KIAA1328: variants seen among roughly 807,000 people sequenced by gnomAD.
KIAA1328 encodes protein hinderin.
In KIAA1328, 52 loss-of-function variants were observed where a neutral mutation model predicts 68.1. The observed-to-expected ratio is 0.76, with a 90% CI of 0.61 to 0.96. The LOEUF (loss-of-function observed/expected upper bound fraction) is 0.96. KIAA1328 is among the 40% of genes least tolerant of loss of function. The pLI, the probability that KIAA1328 is intolerant of heterozygous loss-of-function variation, is 0.00. For missense variants in KIAA1328, 641 were observed against 677.6 expected (o/e 0.95, Z 0.60); for synonymous variants, 232 against 239.4 (o/e 0.97, Z 0.28).
Position 37,223,675 on chromosome 18 carries a change from G to A in KIAA1328, c.*1448G>A. The A allele has an allele frequency of 2.0e-6, 2 of 985,342 alleles. No individual in the cohort carries two copies. The highest frequency in any genetic ancestry group is 4.7e-5 in the South Asian group (1 of 21,274). The allele number at this position is 985,342 out of a possible 1,614,324, so 61.0% of individuals were successfully genotyped here. ...AGCCTGCATGCAGCGAGTCTGCGTG[G>A]CTTCCCTGAATTACTCTTTTAATTA... On this transcript the variant is annotated 3_prime_UTR_variant, in exon 10 of 10. Transcript: ENST00000280020.
At chr18:37,138,655 C>T (rs1471907756) in intron 7 of KIAA1328, among the ~76,000 whole-genome samples, 1 of 152,122 alleles carries the variant, frequency 6.6e-6, no homozygotes, top group Non-Finnish European at 1.5e-5. Flanking sequence ...TTCTTGCAAG[C>T]TTCCTGTTTT....
chr18:37,226,620 A>G (rs938508786), downstream of KIAA1328, among the ~76,000 whole-genome samples: 2 of 151,850 alleles, frequency 1.3e-5, no homozygotes, highest in Middle Eastern at 3.4e-3. Flanking sequence ...TCACATATAC[A>G]TGGTTCCTTT....
At chr18:36,958,939 G>C (rs1339189475) in intron 5 of KIAA1328, among the ~76,000 whole-genome samples, 1 of 151,762 alleles carries the variant, frequency 6.6e-6, no homozygotes, top group East Asian at 1.9e-4. Context: ...TTTCTGCTAA[G>C]AGTTTTATAG....
intron 6 of KIAA1328, among the ~76,000 whole-genome samples, chr18:36,976,332 C>CTGTGTTTT (rs2151346806): frequency 6.6e-6 from 1 of 152,164 alleles, no homozygotes; most frequent in East Asian, 1.9e-4. Flanking sequence ...GGCTTGTTAG[C>CTGTGTTTT]TCAGGTGAGA....
intron 5 of KIAA1328, among the ~76,000 whole-genome samples, chr18:36,895,947 C>G (rs1487948506): frequency 2.0e-5 from 3 of 152,094 alleles, no homozygotes; most frequent in Admixed American, 2.0e-4. Context: ...AAACCAAACC[C>G]GATCAGACCT....
rs2060586983 is a variant in KIAA1328, at chr18:37,222,757, T to C, written c.*530T>C. On this transcript the variant is annotated 3_prime_UTR_variant, in exon 10 of 10. Coordinates refer to ENST00000280020, the MANE Select transcript of KIAA1328 (RefSeq NM_020776.3). The stretch of plus-strand genomic sequence containing the variant: ...GAAGTTGGAGTTGGTGCCCCTGCCA[T>C]CACAAACAACACGAGAGCCAATTGT... The C allele has an allele frequency of 1.0e-6, 1 of 995,754 alleles. No homozygotes were observed. The highest frequency in any genetic ancestry group is 1.2e-6 in the Non-Finnish European group (1 of 836,694). The allele number at this position is 995,754 out of a possible 1,614,324, so 61.7% of individuals were successfully genotyped here.
At chr18:37,052,046 A>G (rs2055717460) in intron 6 of KIAA1328, among the ~76,000 whole-genome samples, 1 of 151,974 alleles carries the variant, frequency 6.6e-6, no homozygotes, top group Admixed American at 6.5e-5. Context: ...CGTCTCAAAA[A>G]AAAAAAAACT....
intron 8 of KIAA1328, among the ~76,000 whole-genome samples, chr18:37,165,509 T>C (rs978616784): frequency 6.6e-6 from 1 of 151,430 alleles, no homozygotes; most frequent in African/African-American, 2.4e-5. Context: ...AGCCTCCACC[T>C]CCTAGGTTCA....
chr18:36,954,237 C>T (rs113853944), intron 5 of KIAA1328, among the ~76,000 whole-genome samples: 1 of 151,770 alleles, frequency 6.6e-6, no homozygotes. Context: ...CTCCTGACCT[C>T]GTGATCCACC....
At chr18:37,113,673 G>A (rs2058012393) in intron 7 of KIAA1328, among the ~76,000 whole-genome samples, 1 of 151,924 alleles carries the variant, frequency 6.6e-6, no homozygotes, top group African/African-American at 2.4e-5. Context: ...AACCTTAAAT[G>A]TAAATGGGCT....
chr18:37,050,304 CTTAGTA>C (rs908845455), intron 6 of KIAA1328, among the ~76,000 whole-genome samples: 3 of 152,068 alleles, frequency 2.0e-5, no homozygotes, highest in Non-Finnish European at 4.4e-5. Flanking sequence ...TTAAATGAAT[CTTAGTA>C]TTAGTTGGCT....
At chr18:36,899,408 G>T (rs1285740344) in intron 5 of KIAA1328, among the ~76,000 whole-genome samples, 2 of 151,790 alleles carry the variant, frequency 1.3e-5, no homozygotes, top group African/African-American at 4.8e-5. Context: ...AGAGTTGCTT[G>T]ATCAGAAAAG....
chr18:37,159,082 T>A (rs1307025134), intron 7 of KIAA1328, among the ~76,000 whole-genome samples: 1 of 152,182 alleles, frequency 6.6e-6, no homozygotes, highest in Admixed American at 6.5e-5. Flanking sequence ...TTTTATACAT[T>A]TTCTTGTGCC....
intron 4 of KIAA1328, among the ~76,000 whole-genome samples, chr18:36,862,698 T>G (rs2047605003): frequency 6.6e-6 from 1 of 152,178 alleles, no homozygotes; most frequent in Non-Finnish European, 1.5e-5. Flanking sequence ...ACATTTTAAT[T>G]TCTTTGGGAT....
At chr18:36,877,663 CTTTTTTTTTTT>C (rs908999170) in intron 4 of KIAA1328, among the ~76,000 whole-genome samples, 9 of 116,028 alleles carry the variant, frequency 7.8e-5, no homozygotes, top group African/African-American at 2.9e-4. Flanking sequence ...CAGTCTGTGT[CTTTTTTTTTTT>C]TTTTTTTTTT....
chr18:37,194,255 A>G (rs780008649), intron 9 of KIAA1328, among the ~76,000 whole-genome samples: 38 of 152,198 alleles, frequency 2.5e-4, no homozygotes, highest in Non-Finnish European at 4.9e-4. Context: ...CTATTTTCTG[A>G]CACCTTTTAC....
At chr18:37,080,263 GTTCC>G (rs1388336874) in intron 7 of KIAA1328, among the ~76,000 whole-genome samples, 1 of 152,156 alleles carries the variant, frequency 6.6e-6, no homozygotes, top group African/African-American at 2.4e-5. Flanking sequence ...TGTGTGTTGA[GTTCC>G]TTTACTTGAA....
chr18:37,135,703 A>G (rs961646599), intron 7 of KIAA1328, among the ~76,000 whole-genome samples: 3 of 152,136 alleles, frequency 2.0e-5, no homozygotes, highest in East Asian at 1.9e-4. Flanking sequence ...CCACTTGTCA[A>G]TTTTTTGTTC....
chr18:37,053,919 G>C (rs143874574), intron 6 of KIAA1328, among the ~76,000 whole-genome samples: 2 of 151,408 alleles, frequency 1.3e-5, no homozygotes, highest in East Asian at 3.9e-4. Flanking sequence ...ATCTGACAAA[G>C]GTCTGGTATC....
Sources: allele counts gnomAD v4.1 joint callset (sites outside exome capture counted in the v4.1 genomes callset), GRCh38; gene constraint gnomAD v4.1.1; transcripts MANE v1.5; gene names NCBI Gene and HGNC (gene_info 2026-07-23, HGNC 2026-07-21).